The following DOK7 variants were observed in gnomAD, a reference collection of about 807,000 sequenced individuals.
DOK7 encodes the protein protein Dok-7.
DOK7 carries 32 observed loss-of-function variants against 30.7 expected under a neutral mutation model. The observed-to-expected ratio is 1.04, with a 90% CI of 0.79 to 1.40. The LOEUF (loss-of-function observed/expected upper bound fraction) is 1.40, where lower values mean the gene tolerates loss of function less well. Ranked by LOEUF, DOK7 falls within the 40% of genes most tolerant of loss-of-function variation. The pLI, the probability that DOK7 is intolerant of heterozygous loss-of-function variation, is 0.00. For missense variants in DOK7, 1,007 were observed against 699.2 expected (o/e 1.44, Z -4.97); for synonymous variants, 447 against 324.1 (o/e 1.38, Z -4.07).
At chr4:3,498,189 G>C (rs1467373143), downstream of DOK7, among the ~76,000 whole-genome samples, 2 of 152,154 alleles carry the variant, frequency 1.3e-5, no homozygotes, top group Non-Finnish European at 2.9e-5. Flanking sequence ...CACTGAAAGA[G>C]TATCCGAGGT....
rs541244157 is a variant in DOK7, at chr4:3,479,856, G to A, written c.532+3314G>A. Among the ~76,000 whole-genome samples the A allele has an allele frequency of 2.8e-4, 43 of 152,342 alleles. No individual in the cohort carries two copies. In the East Asian group the frequency reaches 7.0e-3, roughly 25 times the overall value. ...GGTCCCCAGTGTGGCCCAATTCCCC[G>A]TCTCTGTTGGTCACGGGCCTGTAGT... On this transcript the variant is annotated intron_variant, in intron 4 of 6. Transcript: ENST00000340083.
exon 8 of DOK7, chr4:3,500,743 C>T (rs973192821): frequency 2.1e-5 from 33 of 1,535,366 alleles, no homozygotes; most frequent in Middle Eastern, 1.8e-4. Flanking sequence ...ACCGAGACGG[C>T]GCACAGAGTG....
At chr4:3,483,444 T>C (rs1206809950) in intron 4 of DOK7, among the ~76,000 whole-genome samples, 2 of 151,942 alleles carry the variant, frequency 1.3e-5, no homozygotes, top group Admixed American at 6.6e-5. Context: ...GCATTGGAGA[T>C]GGGCATCTTC....
chr4:3,494,007 G>T lies in DOK7; in HGVS notation c.*506G>T, dbSNP rs577578877. The T allele has an allele frequency of 8.1e-5, 80 of 993,298 alleles. No homozygotes were observed. In the African/African-American group the frequency reaches 1.3e-3, roughly 17 times the overall value. The allele number at this position is 993,298 out of a possible 1,614,324, so 61.5% of individuals were successfully genotyped here. ...CACCAGCCCAGCCCCCCTGGGCTCC[G>T]TGTGCGCTGGGCCTCATCCCCATCT... On this transcript the variant is annotated 3_prime_UTR_variant, in exon 7 of 7. Transcript: ENST00000340083.
intron 4 of DOK7, among the ~76,000 whole-genome samples, chr4:3,481,473 G>A (rs1727439891): frequency 6.6e-6 from 1 of 152,074 alleles, no homozygotes; most frequent in African/African-American, 2.4e-5. Flanking sequence ...CCCCTGGACT[G>A]GGGCTGCTTC....
At position 3,493,443 on chromosome 4, in the gene DOK7, C is replaced by T. The variant is rs200015934; in HGVS notation, c.1457C>T (p.Pro486Leu). The change falls in exon 7 of 7, where the codon CCG (proline) becomes CTG (leucine). Residue 486 changes from proline to leucine, a missense_variant. Coordinates refer to ENST00000340083, the MANE Select transcript of DOK7 (RefSeq NM_173660.5). The part of the protein sequence containing the change: ...EAGGPHAGPP[P>L]AFFSACPVCG... ...GGCGGCCCCCACGCGGGGCCACCCC[C>T]GGCTTTCTTTTCGGCATGTCCAGTC... 95 of 1,607,752 alleles carry T rather than the reference C, an allele frequency of 5.9e-5. No individual in the cohort carries two copies. The highest frequency in any genetic ancestry group is 1.3e-4 in the Admixed American group (8 of 59,642).
At chr4:3,467,187 A>ACCCCCCCCCCCCCCCCCCCCCC (rs397740016) in intron 2 of DOK7, among the ~76,000 whole-genome samples, 1 of 143,132 alleles carries the variant, frequency 7.0e-6, no homozygotes, top group Non-Finnish European at 1.5e-5. Flanking sequence ...GTGGGCGGGG[A>ACCCCCCCCCCCCCCCCCCCCCC]CCCCCCCCAC....
intron 2 of DOK7, among the ~76,000 whole-genome samples, chr4:3,472,399 G>T (rs1726809213): frequency 6.6e-6 from 1 of 152,210 alleles, no homozygotes; most frequent in Admixed American, 6.5e-5. Flanking sequence ...ACAGGGATTT[G>T]GGGTGTTTGT....
chr4:3,492,882 C>G lies in DOK7; in HGVS notation c.896C>G (p.Pro299Arg). 1 of 1,601,060 alleles carries G rather than the reference C, an allele frequency of 6.2e-7. No individual in the cohort carries two copies. Among genetic ancestry groups the G allele is most frequent in the Non-Finnish European group, 8.5e-7 (1 of 1,175,532 alleles). The change falls in exon 7 of 7, where the codon CCT becomes CGT. Residue 299 changes from proline (P) to arginine (R), a missense_variant. Coordinates refer to ENST00000340083, the MANE Select transcript of DOK7 (RefSeq NM_173660.5). ...TCAGCCAGCACGTCACAGGAGGGGC[C>G]TAGACCAGCAGCTGCCCAGGCCGCC... is the stretch of plus-strand genomic sequence containing the variant. ...SSSASTSQEGPRPAAAQAAGE... is the reference protein window; with the variant it reads ...SSSASTSQEGRRPAAAQAAGE...
At chr4:3,475,733 T>G (rs1727015731) in intron 3 of DOK7, among the ~76,000 whole-genome samples, 1 of 152,094 alleles carries the variant, frequency 6.6e-6, no homozygotes, top group South Asian at 2.1e-4. Context: ...AGCCTCGGTT[T>G]CCCCTTCTGT....
chr4:3,489,496 GGT>G lies in DOK7; in HGVS notation c.653-177_653-176del, dbSNP rs1728032441. ...GGCGCATGGTGGCCTGGATAGGGGT[GGT>G]GTGGGTGTCTGCGTTTGAGGGCCAG... On this transcript the variant is annotated intron_variant, in intron 5 of 6. Coordinates refer to ENST00000340083, the MANE Select transcript of DOK7 (RefSeq NM_173660.5). 2.6e-5 allele frequency among the ~76,000 whole-genome samples: 4 copies of G among 152,294 alleles called. No homozygotes were observed. The South Asian group carries it at 8.3e-4, about 32-fold the overall frequency.
In DOK7 at chr4:3,494,392, CCT is replaced by C. The variant is rs1270065873; in HGVS notation, c.*892_*893del. The C allele has an allele frequency of 3.0e-6, 3 of 985,766 alleles. No homozygotes were observed. Among genetic ancestry groups the C allele is most frequent in the Non-Finnish European group, 3.6e-6 (3 of 830,252 alleles). 61.1% of individuals were successfully genotyped at this position (985,766 alleles called of 1,614,324 possible). ...TGCCCTGACCACAGCCCAGCAGCTC[CCT>C]GTGAACACCTCTTTGTCCCTTCACT... On this transcript the variant is annotated 3_prime_UTR_variant, in exon 7 of 7. Coordinates refer to ENST00000340083, the MANE Select transcript of DOK7 (RefSeq NM_173660.5).
chr4:3,488,238 T>G (rs1577169667), intron 5 of DOK7, among the ~76,000 whole-genome samples: 1 of 151,928 alleles, frequency 6.6e-6, no homozygotes, highest in Admixed American at 6.5e-5. Context: ...TACCCAGAGG[T>G]GGGGGAGGCT....
At chr4:3,498,605 C>T (rs1729038958), downstream of DOK7, among the ~76,000 whole-genome samples, 1 of 152,202 alleles carries the variant, frequency 6.6e-6, no homozygotes, top group South Asian at 2.1e-4. Flanking sequence ...CTCCCCAGGC[C>T]CTCACCCCAC....
At chr4:3,476,858 A>C (rs979769040) in intron 4 of DOK7, among the ~76,000 whole-genome samples, 1 of 152,236 alleles carries the variant, frequency 6.6e-6, no homozygotes, top group Non-Finnish European at 1.5e-5. Context: ...CATGGAAAGG[A>C]AAAAACAAAG....
In DOK7 at chr4:3,493,390, C is replaced by A; in HGVS notation, c.1404C>A (p.Gly468=). The change falls in exon 7 of 7, where the codon GGC becomes GGA. Residue 468 remains glycine, a synonymous_variant. Transcript: ENST00000340083. ...APQGSEATLP[G]PAPGEPWEAG... ...AGGGCAGCGAGGCCACACTGCCTGG[C>A]CCTGCCCCTGGCGAGCCCTGGGAAG... is the stretch of plus-strand genomic sequence containing the variant. 1 of 1,594,494 alleles carries A rather than the reference C, an allele frequency of 6.3e-7. No individual in the cohort carries two copies. Among genetic ancestry groups the A allele is most frequent in the Non-Finnish European group, 8.5e-7 (1 of 1,170,988 alleles).
At chr4:3,487,027 C>G (rs568022218) in intron 5 of DOK7, among the ~76,000 whole-genome samples, 1 of 152,132 alleles carries the variant, frequency 6.6e-6, no homozygotes, top group Non-Finnish European at 1.5e-5. Flanking sequence ...GCAGGCAGCA[C>G]GTGGGCCAGC....
chr4:3,500,222 C>G lies in DOK7; in HGVS notation c.1109-29C>G. The G allele has an allele frequency of 3.3e-6, 5 of 1,533,404 alleles. No individual in the cohort carries two copies. In the Middle Eastern group the frequency reaches 6.7e-4, roughly 205 times the overall value. The allele number at this position is 1,533,404 out of a possible 1,614,324, so 95.0% of individuals were successfully genotyped here. A position where few individuals can be genotyped will look rare whatever the true frequency, so the allele number is the denominator to read the frequency against. The stretch of plus-strand genomic sequence containing the variant: ...AGATCTGTGCCCCTCTCGGTCCCCA[C>G]CGGGGCTTCACAGCCGCTCCCCCCA... On this transcript the variant is annotated intron_variant, in intron 6 of 7. Transcript: ENST00000643608.
chr4:3,480,723 C>CG (rs1348396246), intron 4 of DOK7, among the ~76,000 whole-genome samples: 19 of 152,236 alleles, frequency 1.2e-4, no homozygotes, highest in Non-Finnish European at 2.6e-4. Flanking sequence ...CTGCAGCCTG[C>CG]GGGGGCAGCC....
Sources: allele counts gnomAD v4.1 joint callset (sites outside exome capture counted in the v4.1 genomes callset), GRCh38; gene constraint gnomAD v4.1.1; transcripts MANE v1.5; gene names NCBI Gene and HGNC (gene_info 2026-07-23, HGNC 2026-07-21).